The following CTIF variants were observed in gnomAD, a reference collection of about 807,000 sequenced individuals.
The protein encoded by CTIF is CBP80/20-dependent translation initiation factor.
A neutral mutation model predicts 66.0 loss-of-function variants in CTIF; 21 were observed. The ratio of observed to expected loss-of-function variants is 0.32; its 90% CI spans 0.23 to 0.46. The LOEUF is 0.46. CTIF is among the 20% of genes least tolerant of loss of function. The pLI is 1.00. For synonymous variants in CTIF, 345 were observed against 326.4 expected, an observed-to-expected ratio of 1.06 and a Z score of -0.62; for missense variants, 739 against 812.7, an observed-to-expected ratio of 0.91 and a Z score of 1.10.
At chr18:48,572,992 TA>T (rs529429364) in intron 1 of CTIF, among the ~76,000 whole-genome samples, 121 of 151,334 alleles carry the variant, frequency 8.0e-4, no homozygotes, top group African/African-American at 2.8e-3. Flanking sequence ...GACCCTGTCT[TA>T]AAAAAACAAG....
intron 9 of CTIF, among the ~76,000 whole-genome samples, chr18:48,767,757 A>G (rs1453475686): frequency 6.6e-6 from 1 of 152,226 alleles, no homozygotes; most frequent in Non-Finnish European, 1.5e-5. Context: ...CAGCCTGTTA[A>G]AAAGCTGACC....
chr18:48,588,727 C>G (rs190284713), intron 1 of CTIF, among the ~76,000 whole-genome samples: 1 of 152,192 alleles, frequency 6.6e-6, no homozygotes, highest in Non-Finnish European at 1.5e-5. Context: ...TGCTTTGATC[C>G]AAATTTAAAA....
chr18:48,681,613 G>A (rs1398297805), intron 6 of CTIF, among the ~76,000 whole-genome samples: 1 of 152,098 alleles, frequency 6.6e-6, no homozygotes, highest in Admixed American at 6.6e-5. Context: ...CTTTCCTTTA[G>A]CCCAGGGCCT....
chr18:48,574,645 A>G (rs528061661), intron 1 of CTIF, among the ~76,000 whole-genome samples: 3 of 152,158 alleles, frequency 2.0e-5, no homozygotes, highest in Non-Finnish European at 4.4e-5. Flanking sequence ...TTGAAAGGTG[A>G]CTGGCTTCCC....
intron 7 of CTIF, among the ~76,000 whole-genome samples, chr18:48,727,909 A>T (rs2092399565): frequency 6.6e-6 from 1 of 152,192 alleles, no homozygotes; most frequent in Non-Finnish European, 1.5e-5. Context: ...ATCATTTGCC[A>T]TCTGGACAGT....
intron 3 of CTIF, among the ~76,000 whole-genome samples, chr18:48,657,157 G>C (rs1466871443): frequency 6.6e-6 from 1 of 152,088 alleles, no homozygotes; most frequent in African/African-American, 2.4e-5. Flanking sequence ...AATTCTCTGT[G>C]GAATGAAAAG....
intron 10 of CTIF, among the ~76,000 whole-genome samples, chr18:48,834,033 T>TTCCCCTCCCC (rs143137878): frequency 1.3e-5 from 2 of 150,826 alleles, no homozygotes; most frequent in Non-Finnish European, 3.0e-5. Flanking sequence ...TCCCCCTCCT[T>TTCCCCTCCCC]TCCCCTCCCC....
chr18:48,793,446 C>T (rs1325350852), intron 9 of CTIF, among the ~76,000 whole-genome samples: 3 of 152,240 alleles, frequency 2.0e-5, no homozygotes, highest in South Asian at 4.1e-4. Context: ...GGCCTTTCCC[C>T]ACAGCCATTT....
chr18:48,786,774 C>T (rs1364991136), intron 9 of CTIF, among the ~76,000 whole-genome samples: 1 of 152,176 alleles, frequency 6.6e-6, no homozygotes, highest in Admixed American at 6.5e-5. Flanking sequence ...AAGGAGGAAC[C>T]TGTTTTCCCT....
intron 9 of CTIF, among the ~76,000 whole-genome samples, chr18:48,796,134 T>C (rs1235318924): frequency 6.6e-6 from 1 of 152,208 alleles, no homozygotes; most frequent in Non-Finnish European, 1.5e-5. Flanking sequence ...TAGCTGGGAC[T>C]ACAGGCATGT....
At chr18:48,756,194 C>T (rs1257668926) in intron 7 of CTIF, 1 of 152,214 alleles carries the variant, frequency 6.6e-6, no homozygotes, top group Non-Finnish European at 1.5e-5. Flanking sequence ...CCCACCACTC[C>T]AGCGGAGGCC....
Position 48,654,609 on chromosome 18 carries a change from C to G in CTIF, c.253-9143C>G, listed in dbSNP as rs9949595. Among the ~76,000 whole-genome samples the G allele has an allele frequency of 4.4e-3, 669 of 152,316 alleles. 6 individuals are homozygous for G. The highest frequency in any genetic ancestry group is 0.015 in the African/African-American group (642 of 41,560). On this transcript the variant is annotated intron_variant, in intron 3 of 11. Transcript: ENST00000256413. The stretch of plus-strand genomic sequence containing the variant: ...GAACTAGAAATACCATTTGACCCAG[C>G]CATCCCATTACTGGGTATATACCCA...
intron 1 of CTIF, among the ~76,000 whole-genome samples, chr18:48,561,714 A>C (rs1429433443): frequency 6.6e-6 from 1 of 152,194 alleles, no homozygotes; most frequent in African/African-American, 2.4e-5. Flanking sequence ...ATTCTGAATG[A>C]ACTGTTGACT....
chr18:48,717,443 AAAT>A (rs35980045), intron 7 of CTIF, among the ~76,000 whole-genome samples: 418 of 149,466 alleles, frequency 2.8e-3, no homozygotes, highest in Non-Finnish European at 4.6e-3. Context: ...ATAAATAAAT[AAAT>A]AATAAGAATT....
chr18:48,762,982 G>C (rs1480587159), intron 9 of CTIF, among the ~76,000 whole-genome samples: 1 of 152,206 alleles, frequency 6.6e-6, no homozygotes, highest in African/African-American at 2.4e-5. Flanking sequence ...GCCCTGATCA[G>C]GTTCCCATTC....
chr18:48,844,074 C>G (rs1324793921), intron 10 of CTIF, among the ~76,000 whole-genome samples: 1 of 152,246 alleles, frequency 6.6e-6, no homozygotes, highest in Non-Finnish European at 1.5e-5. Flanking sequence ...GTGCTGTTCA[C>G]CCTCAGAGGC....
intron 6 of CTIF, among the ~76,000 whole-genome samples, chr18:48,696,125 T>G (rs1228689035): frequency 2.0e-5 from 3 of 152,232 alleles, no homozygotes; most frequent in African/African-American, 4.8e-5. Flanking sequence ...TCAGTCTCAT[T>G]AGCATCTGCA....
intron 10 of CTIF, among the ~76,000 whole-genome samples, chr18:48,846,322 C>A (rs1388685566): frequency 6.6e-6 from 1 of 152,252 alleles, no homozygotes; most frequent in African/African-American, 2.4e-5. Context: ...ATGCCATATA[C>A]CTAGCAAGTC....
At position 48,582,686 on chromosome 18, in the gene CTIF, A is replaced by G. The variant is rs190722201; in HGVS notation, c.-28-36852A>G. On this transcript the variant is annotated intron_variant, in intron 1 of 11. Coordinates refer to ENST00000256413, the MANE Select transcript of CTIF (RefSeq NM_014772.3). Reference sequence around the variant, plus strand: ...TGGTGGTGGGAGTGCTTGCGGTAGTAGTAGTGGTGGTGGTAATAACGGGGT... The same window carrying G: ...TGGTGGTGGGAGTGCTTGCGGTAGTGGTAGTGGTGGTGGTAATAACGGGGT... 3.0e-3 allele frequency among the ~76,000 whole-genome samples: 456 copies of G among 152,198 alleles called. 2 individuals are homozygous for G. Among genetic ancestry groups the G allele is most frequent in the Non-Finnish European group, 5.8e-3 (394 of 67,988 alleles).
Sources: gnomAD v4.1 joint callset for allele counts (sites outside exome capture counted in the v4.1 genomes callset) on GRCh38, gnomAD v4.1.1 for gene constraint, MANE v1.5 for transcripts, NCBI Gene and HGNC (gene_info 2026-07-23, HGNC 2026-07-21) for gene names.